Variants in MICAL2 observed in about 807,000 individuals in gnomAD.
MICAL2 encodes microtubule associated monooxygenase, calponin and LIM domain containing 2, also known as [F-actin]-monooxygenase MICAL2.
A neutral mutation model predicts 127.3 loss-of-function variants in MICAL2; 77 were observed. That is an observed-to-expected ratio of 0.60 (90% CI 0.50 to 0.73). MICAL2 has a LOEUF of 0.73. MICAL2 is among the 30% of genes least tolerant of loss of function. The pLI is 0.00. For synonymous variants in MICAL2, 570 were observed against 551.1 expected (o/e 1.03, Z -0.48); for missense variants, 1,351 against 1,434.4 (o/e 0.94, Z 0.94).
chr11:12,140,215 A>G (rs1042632280), intron 2 of MICAL2, among the ~76,000 whole-genome samples: 2 of 152,168 alleles, frequency 1.3e-5, no homozygotes, highest in Admixed American at 1.3e-4. Context: ...TATTATTTAC[A>G]CTTCATATTT....
chr11:12,145,417 AAAAC>A (rs1213978254), intron 2 of MICAL2, among the ~76,000 whole-genome samples: 1 of 152,178 alleles, frequency 6.6e-6, no homozygotes, highest in Non-Finnish European at 1.5e-5. Context: ...TTCAGGGCTT[AAAAC>A]AAACAAACAT....
chr11:12,348,214 A>G (rs1426968937), intron 32 of MICAL2, among the ~76,000 whole-genome samples: 3 of 151,626 alleles, frequency 2.0e-5, no homozygotes, highest in Admixed American at 6.6e-5. Context: ...ATCTTCCCAT[A>G]TTTTAAAATC....
chr11:12,262,002 G>C (rs904866263), intron 26 of MICAL2: 53 of 1,001,298 alleles, frequency 5.3e-5, no homozygotes, highest in Admixed American at 2.1e-4. Flanking sequence ...TGAAGCCCGA[G>C]TCGGAATCTC....
intron 15 of MICAL2, among the ~76,000 whole-genome samples, chr11:12,231,075 C>T (rs546092665): frequency 2.0e-5 from 3 of 152,176 alleles, no homozygotes; most frequent in South Asian, 4.1e-4. Context: ...ATAACCAGGG[C>T]GTCTATCATG....
chr11:12,216,171 T>C, intron 7 of MICAL2, 48 bp from the exon 8 acceptor site: 6 of 1,366,594 alleles, frequency 4.4e-6, no homozygotes, highest in Non-Finnish European at 5.2e-6. Flanking sequence ...TGGCACACAG[T>C]TGGTGCCGAG....
At chr11:12,156,236 T>C in intron 2 of MICAL2, among the ~76,000 whole-genome samples, 1 of 152,134 alleles carries the variant, frequency 6.6e-6, no homozygotes, top group African/African-American at 2.4e-5. Context: ...GTCTCTTGGG[T>C]GCTCTTTCAT....
At chr11:12,246,055 GAA>G (rs1860698297) in intron 21 of MICAL2, among the ~76,000 whole-genome samples, 1 of 152,246 alleles carries the variant, frequency 6.6e-6, no homozygotes, top group Non-Finnish European at 1.5e-5. Context: ...CTCATCCCCA[GAA>G]AAGTCTGGCG....
At chr11:12,144,265 A>G (rs764444062) in intron 2 of MICAL2, among the ~76,000 whole-genome samples, 12 of 152,224 alleles carry the variant, frequency 7.9e-5, no homozygotes. Context: ...GCATGAGCCC[A>G]AATACCAAGG....
intron 3 of MICAL2, among the ~76,000 whole-genome samples, chr11:12,201,812 G>A (rs547248812): frequency 3.3e-5 from 5 of 152,242 alleles, no homozygotes; most frequent in East Asian, 1.9e-4. Flanking sequence ...CATAAAATAC[G>A]CCTTTGGCAC....
intron 29 of MICAL2, among the ~76,000 whole-genome samples, chr11:12,299,822 A>G (rs758349973): frequency 1.3e-5 from 2 of 152,168 alleles, no homozygotes; most frequent in Non-Finnish European, 2.9e-5. Flanking sequence ...CTTTCTCCCC[A>G]TTATATGCCC....
At chr11:12,353,232 G>T (rs981096027) in intron 33 of MICAL2, among the ~76,000 whole-genome samples, 5 of 152,172 alleles carry the variant, frequency 3.3e-5, no homozygotes, top group Non-Finnish European at 7.3e-5. Context: ...TGGAAGAGGA[G>T]GCCCCACCAG....
At chr11:12,181,193 C>CTTGG in intron 3 of MICAL2, among the ~76,000 whole-genome samples, 1 of 152,306 alleles carries the variant, frequency 6.6e-6, no homozygotes, top group East Asian at 1.9e-4. Flanking sequence ...GTCCACCCAC[C>CTTGG]TTGGCCTCCC....
intron 6 of MICAL2, 87 bp downstream of exon 6, chr11:12,209,685 T>C (rs1855193788): frequency 8.4e-7 from 1 of 1,194,636 alleles, no homozygotes; most frequent in Non-Finnish European, 1.2e-6. Context: ...GTGGGCAAGA[T>C]GCAGATGCCA....
intron 21 of MICAL2, among the ~76,000 whole-genome samples, chr11:12,245,339 T>C (rs1021315438): frequency 1.3e-5 from 2 of 152,220 alleles, no homozygotes; most frequent in Admixed American, 6.5e-5. Context: ...GTTTCTGTGC[T>C]GTTAGACTGA....
intron 1 of MICAL2, among the ~76,000 whole-genome samples, chr11:12,112,639 C>G (rs1849696984): frequency 6.6e-6 from 1 of 152,074 alleles, no homozygotes; most frequent in Non-Finnish European, 1.5e-5. Flanking sequence ...CATGACATCA[C>G]TTTTATCTCC....
intron 26 of MICAL2, chr11:12,260,778 C>T: frequency 1.0e-6 from 1 of 985,430 alleles, no homozygotes; most frequent in Non-Finnish European, 1.2e-6. Context: ...TATCTGTCCC[C>T]CTGGGAGGAG....
intron 32 of MICAL2, among the ~76,000 whole-genome samples, chr11:12,329,891 G>C (rs184956867): frequency 2.8e-5 from 4 of 144,606 alleles, no homozygotes; most frequent in African/African-American, 1.0e-4. Context: ...AAAGAAAAGA[G>C]AGAGCTAGTT....
chr11:12,334,442 CT>C (rs892583285), intron 32 of MICAL2, among the ~76,000 whole-genome samples: 15 of 150,548 alleles, frequency 1.0e-4, no homozygotes, highest in South Asian at 2.1e-4. Context: ...ATTTTCTTTT[CT>C]TTTTTTTTAA....
At chr11:12,192,548 C>T (rs984875892) in intron 3 of MICAL2, among the ~76,000 whole-genome samples, 2 of 152,162 alleles carry the variant, frequency 1.3e-5, no homozygotes, top group Non-Finnish European at 1.5e-5. Context: ...CTGAGGCGGG[C>T]GGGTGAATCA....
Sources: allele counts gnomAD v4.1 joint callset (sites outside exome capture counted in the v4.1 genomes callset), GRCh38; gene constraint gnomAD v4.1.1; transcripts MANE v1.5; gene names NCBI Gene and HGNC (gene_info 2026-07-23, HGNC 2026-07-21).